Variants in PPP6R1 observed in about 807,000 individuals in gnomAD.
PPP6R1 encodes serine/threonine-protein phosphatase 6 regulatory subunit 1.
A neutral mutation model predicts 104.6 loss-of-function variants in PPP6R1; 39 were observed. The observed-to-expected ratio is 0.37, with a 90% confidence interval of 0.29 to 0.49. PPP6R1 has a LOEUF of 0.49. Ranked by LOEUF, PPP6R1 falls within the 20% of genes least tolerant of loss-of-function variation. PPP6R1 has a pLI of 0.98. For synonymous variants in PPP6R1, 549 were observed against 479.0 expected (o/e 1.15, Z -1.91); for missense variants, 1,181 against 1,155.8 (o/e 1.02, Z -0.32).
chr19:55,240,635 T>TCA (rs1037693639), intron 10 of PPP6R1, among the ~76,000 whole-genome samples: 2 of 136,492 alleles, frequency 1.5e-5, no homozygotes, highest in East Asian at 3.9e-4. Context: ...ATACATGCTC[T>TCA]CACACACGCT....
intron 15 of PPP6R1, among the ~76,000 whole-genome samples, chr19:55,237,762 C>T (rs1216694133): frequency 6.6e-6 from 1 of 152,220 alleles, no homozygotes; most frequent in Admixed American, 6.5e-5. Context: ...GCTGGGCACA[C>T]AGTGGGTCTA....
At chr19:55,256,954 C>A (rs1205773222) in intron 1 of PPP6R1, among the ~76,000 whole-genome samples, 3 of 152,088 alleles carry the variant, frequency 2.0e-5, no homozygotes, top group Non-Finnish European at 4.4e-5. Context: ...CACTTACAGA[C>A]GAGGAACAAC....
chr19:55,255,435 C>G (rs28505548), intron 1 of PPP6R1, among the ~76,000 whole-genome samples: 1 of 152,210 alleles, frequency 6.6e-6, no homozygotes, highest in Non-Finnish European at 1.5e-5. Flanking sequence ...ACTGAAATCT[C>G]TGTGGCCTAG....
chr19:55,251,544 T>C (rs961753578), intron 1 of PPP6R1, among the ~76,000 whole-genome samples: 30 of 152,040 alleles, frequency 2.0e-4, no homozygotes, highest in African/African-American at 7.0e-4. Context: ...TTCCCCTGTG[T>C]CAAGAGTGAC....
At chr19:55,253,071 T>G (rs576059994) in intron 1 of PPP6R1, among the ~76,000 whole-genome samples, 59 of 152,204 alleles carry the variant, frequency 3.9e-4, no homozygotes, top group African/African-American at 1.1e-3. Context: ...TCCCCATCCC[T>G]CACCACCAAC....
At chr19:55,232,543 G>T in intron 17 of PPP6R1, 1 of 303,736 alleles carries the variant, frequency 3.3e-6, no homozygotes, top group Non-Finnish European at 6.2e-6. Flanking sequence ...CAGCTCTCAA[G>T]CCACCTCCCA....
Position 55,231,597 on chromosome 19 carries a change from C to T in PPP6R1, c.2377+1G>A. On this transcript the variant is annotated splice_donor_variant, in intron 20 of 23. Transcript: ENST00000412770. LOFTEE classifies it high-confidence loss of function. ...GGTGGGCAGGGCAAAGCGGGGCTCA[C>T]CTGAGGGCTCCGTGACTTTGCTGCC... The T allele has an allele frequency of 2.5e-6, 4 of 1,610,406 alleles. No individual in the cohort carries two copies. Among genetic ancestry groups the T allele is most frequent in the Non-Finnish European group, 3.4e-6 (4 of 1,178,486 alleles).
rs754780164 is a variant in PPP6R1, at chr19:55,240,033, C to T, written c.1443G>A (p.Gly481=). 6.2e-7 allele frequency: 1 copy of T among 1,603,664 alleles called. No homozygotes were observed. Among genetic ancestry groups the T allele is most frequent in the South Asian group, 1.1e-5 (1 of 89,646 alleles). ...AGALVQNTEK[G]PNAEQLRQLL... ...GCTGCCGCAGCTGCTCTGCATTGGGCCCCTTCTCCGTGTTCTGCACCAGGG... is the reference window on the plus strand; with the variant it reads ...GCTGCCGCAGCTGCTCTGCATTGGGTCCCTTCTCCGTGTTCTGCACCAGGG... Residue 481 remains glycine, a synonymous_variant, in exon 12 of 24, where the codon GGG becomes GGA. Coordinates refer to ENST00000412770, the MANE Select transcript of PPP6R1 (RefSeq NM_014931.4).
At chr19:55,228,519 C>A (rs757269033), downstream of PPP6R1, 8 of 1,568,238 alleles carry the variant, frequency 5.1e-6, no homozygotes, top group East Asian at 1.2e-4. Flanking sequence ...TCCTGTCCCA[C>A]CCCCACCTGG....
At chr19:55,236,891 C>CA in intron 16 of PPP6R1, 22 bp downstream of exon 16, 1 of 1,612,820 alleles carries the variant, frequency 6.2e-7, no homozygotes, top group Non-Finnish European at 8.5e-7. Flanking sequence ...CCGCCACAAC[C>CA]AGGGGACAGG....
chr19:55,249,426 A>T (rs551284659), intron 1 of PPP6R1, among the ~76,000 whole-genome samples: 32 of 152,268 alleles, frequency 2.1e-4, no homozygotes, highest in African/African-American at 7.7e-4. Flanking sequence ...ATTTTGGTAG[A>T]GATGGGATTT....
At position 55,231,852 on chromosome 19, in the gene PPP6R1, G is replaced by C. The variant is rs999796374; in HGVS notation, c.2256C>G (p.Leu752=). The part of the protein sequence containing the change: ...PQGPLSVPQG[L]PTQSLASPPA... ...GAGGGCTGGCCAGGCTCTGAGTGGG[G>C]AGGCCCTGGGGCACACTGAGGGGCC... The change falls in exon 19 of 24, where the codon CTC becomes CTG. Residue 752 remains leucine (L), a synonymous_variant. Transcript: ENST00000412770. 8.0e-6 allele frequency: 12 copies of C among 1,502,656 alleles called. No individual in the cohort carries two copies. The highest frequency in any genetic ancestry group is 9.8e-6 in the Non-Finnish European group (11 of 1,126,794). The allele number at this position is 1,502,656 out of a possible 1,614,324, so 93.1% of individuals were successfully genotyped here. A position where few individuals can be genotyped will look rare whatever the true frequency, so the allele number is the denominator to read the frequency against.
chr19:55,257,160 G>A (rs1228456614), intron 1 of PPP6R1, among the ~76,000 whole-genome samples: 1 of 151,482 alleles, frequency 6.6e-6, no homozygotes, highest in Non-Finnish European at 1.5e-5. Context: ...GTAAGCACAC[G>A]TGGCCGGGCG....
chr19:55,253,120 G>A (rs2087566310), intron 1 of PPP6R1, among the ~76,000 whole-genome samples: 1 of 152,240 alleles, frequency 6.6e-6, no homozygotes. Context: ...GTGGGGACGG[G>A]ATAGGAGCAG....
intron 1 of PPP6R1, among the ~76,000 whole-genome samples, chr19:55,253,909 G>A (rs1034110378): frequency 6.6e-5 from 10 of 152,124 alleles, no homozygotes; most frequent in Non-Finnish European, 1.3e-4. Flanking sequence ...CCGTGAAAAG[G>A]AGACACAGCC....
chr19:55,236,943 G>A lies in PPP6R1; in HGVS notation c.1779C>T (p.Ile593=), dbSNP rs201858063. ...VNAPFDKTAN[I]TFSLNADDEN... Reference sequence around the variant, plus strand: ...CATCGTCAGCATTGAGGGAGAAGGTGATGTTGGCTGTCTTGTCAAAAGGTG... The same window carrying A: ...CATCGTCAGCATTGAGGGAGAAGGTAATGTTGGCTGTCTTGTCAAAAGGTG... Residue 593 remains isoleucine, a synonymous_variant, in exon 16 of 24, where the codon ATC becomes ATT. Transcript: ENST00000412770. 137 of 1,613,208 alleles carry A rather than the reference G, an allele frequency of 8.5e-5. No homozygotes were observed. The highest frequency in any genetic ancestry group is 7.5e-5 in the Non-Finnish European group (88 of 1,179,274).
Position 55,246,897 on chromosome 19 carries a change from A to C in PPP6R1, c.207T>G (p.Gly69=). ...AWVTQEPPDS[G]EERLRYKYPS... is the part of the protein sequence containing the mutation. ...CTCACTTGTAGCGCAGCCGCTCCTC[A>C]CCGCTATCTGGCGGCTCCTGGGTGA... is the stretch of plus-strand genomic sequence containing the variant. Residue 69 remains glycine (G), a synonymous_variant, in exon 2 of 24, where the codon GGT becomes GGG. Transcript: ENST00000412770. The C allele has an allele frequency of 6.2e-7, 1 of 1,609,886 alleles. No individual in the cohort carries two copies. The highest frequency in any genetic ancestry group is 1.3e-5 in the African/African-American group (1 of 74,988).
In PPP6R1 at chr19:55,239,475, T is replaced by C. The variant is rs1396380705; in HGVS notation, c.1681A>G (p.Met561Val). 8 of 1,614,020 alleles carry C rather than the reference T, an allele frequency of 5.0e-6. No homozygotes were observed. Among genetic ancestry groups the C allele is most frequent in the Admixed American group, 3.3e-5 (2 of 60,020 alleles). Residue 561 changes from methionine to valine, a missense_variant, in exon 15 of 24, where the codon ATG becomes GTG. By Grantham distance (21) the Met-to-Val change is conservative (BLOSUM62 1). This residue lies in a region of PPP6R1 where 1,042 missense variants were observed against 955.6 expected (regional missense o/e 1.09). Coordinates refer to ENST00000412770, the MANE Select transcript of PPP6R1 (RefSeq NM_014931.4). ...QAFMDFQMQR[M>V]TSAFIDHFGF... ...AAGTGGTCAATGAAGGCAGAGGTCATGCGCTGCATCTGGAAGTCCATGAAG... is the reference window on the plus strand; with the variant it reads ...AAGTGGTCAATGAAGGCAGAGGTCACGCGCTGCATCTGGAAGTCCATGAAG...
At chr19:55,247,513 C>G in intron 1 of PPP6R1, 1 of 188,402 alleles carries the variant, frequency 5.3e-6, no homozygotes, top group Non-Finnish European at 1.1e-5. Flanking sequence ...CCCTGTCTCC[C>G]CATGAGGGTC....
Sources: allele counts gnomAD v4.1 joint callset (sites outside exome capture counted in the v4.1 genomes callset), GRCh38; gene constraint gnomAD v4.1.1; regional missense constraint gnomAD v4.1.1; transcripts MANE v1.5; gene names NCBI Gene and HGNC (gene_info 2026-07-23, HGNC 2026-07-21).